Variants in AGBL4 observed in about 807,000 individuals in gnomAD.
The protein encoded by AGBL4 is cytosolic carboxypeptidase 6.
A neutral mutation model predicts 66.4 loss-of-function variants in AGBL4; 58 were observed. The observed-to-expected ratio is 0.87, with a 90% CI of 0.71 to 1.09. The LOEUF (loss-of-function observed/expected upper bound fraction) is 1.09, where lower values mean the gene tolerates loss of function less well. AGBL4 is among the 50% of genes least tolerant of loss of function. AGBL4 has a pLI of 0.00. For synonymous variants in AGBL4, 234 were observed against 222.9 expected, an observed-to-expected ratio of 1.05 and a Z score of -0.44; for missense variants, 579 against 631.0, an observed-to-expected ratio of 0.92 and a Z score of 0.88.
At chr1:49,438,724 T>C (rs539522837) in intron 3 of AGBL4, among the ~76,000 whole-genome samples, 24 of 152,124 alleles carry the variant, frequency 1.6e-4, no homozygotes, top group Non-Finnish European at 2.9e-4. Context: ...ACACTAATTG[T>C]ATAGAAAGAC....
At chr1:49,348,845 C>T (rs1425837107) in intron 3 of AGBL4, among the ~76,000 whole-genome samples, 1 of 152,156 alleles carries the variant, frequency 6.6e-6, no homozygotes, top group Non-Finnish European at 1.5e-5. Flanking sequence ...CCAGGTCTGC[C>T]ACAGGACAAG....
At chr1:49,555,261 AG>A (rs1653335043) in intron 3 of AGBL4, among the ~76,000 whole-genome samples, 1 of 151,408 alleles carries the variant, frequency 6.6e-6, no homozygotes, top group African/African-American at 2.4e-5. Flanking sequence ...ACAATCCTTT[AG>A]CTAGACACAA....
chr1:49,222,799 G>T (rs1443208528), intron 4 of AGBL4, among the ~76,000 whole-genome samples: 2 of 152,114 alleles, frequency 1.3e-5, no homozygotes, highest in African/African-American at 4.8e-5. Flanking sequence ...CCATCCAAAA[G>T]TACCATTTAA....
At chr1:49,857,255 T>C (rs1646459464) in intron 1 of AGBL4, among the ~76,000 whole-genome samples, 2 of 152,184 alleles carry the variant, frequency 1.3e-5, no homozygotes, top group South Asian at 4.2e-4. Flanking sequence ...CCTCCCATGC[T>C]CATGGATTAG....
chr1:48,823,196 C>A (rs578255792), intron 6 of AGBL4, among the ~76,000 whole-genome samples: 1 of 152,314 alleles, frequency 6.6e-6, no homozygotes, highest in Non-Finnish European at 1.5e-5. Flanking sequence ...GTGTGTTTTA[C>A]AGTAGGCACA....
chr1:48,526,779 C>T, the AGBL4 span, among the ~76,000 whole-genome samples: 1 of 151,736 alleles, frequency 6.6e-6, no homozygotes, highest in Non-Finnish European at 1.5e-5. Flanking sequence ...GTTATAACCA[C>T]ACCAGCAACA....
intron 2 of AGBL4, among the ~76,000 whole-genome samples, chr1:49,829,896 C>T (rs951207699): frequency 6.6e-5 from 10 of 152,096 alleles, no homozygotes; most frequent in Non-Finnish European, 1.3e-4. Flanking sequence ...TGTTAGTTTG[C>T]TGAGAATGAT....
At chr1:49,535,823 C>G (rs927164548) in intron 3 of AGBL4, among the ~76,000 whole-genome samples, 12 of 152,128 alleles carry the variant, frequency 7.9e-5, no homozygotes, top group Non-Finnish European at 1.8e-4. Context: ...TCCCAAGTAG[C>G]TGGGACTACA....
At chr1:48,682,343 A>G (rs1409375661) in intron 6 of AGBL4, among the ~76,000 whole-genome samples, 3 of 152,180 alleles carry the variant, frequency 2.0e-5, no homozygotes, top group Non-Finnish European at 4.4e-5. Flanking sequence ...TTTTGGGAAA[A>G]GACTCCCTCA....
At position 49,764,418 on chromosome 1, in the gene AGBL4, A is replaced by G. The variant is rs1045570510; in HGVS notation, c.158-66981T>C. Reference sequence around the variant, plus strand: ...GCCTATGATAGTCCCTTGGGTTCCAATCACATAAACATTCTGCTTGCTCTC... The same window carrying G: ...GCCTATGATAGTCCCTTGGGTTCCAGTCACATAAACATTCTGCTTGCTCTC... On this transcript the variant is annotated intron_variant, in intron 2 of 13. Transcript: ENST00000371839. 2.0e-5 allele frequency among the ~76,000 whole-genome samples: 3 copies of G among 151,998 alleles called. No homozygotes were observed. In the South Asian group the frequency reaches 6.2e-4, roughly 32 times the overall value.
At chr1:49,908,747 A>G (rs548091394) in intron 1 of AGBL4, among the ~76,000 whole-genome samples, 232 of 152,192 alleles carry the variant, frequency 1.5e-3, no homozygotes, top group Admixed American at 2.4e-3. Context: ...GGGTGACAGA[A>G]TGAGACCCTG....
intron 3 of AGBL4, among the ~76,000 whole-genome samples, chr1:49,380,654 T>G (rs1470842989): frequency 2.0e-5 from 3 of 151,852 alleles, no homozygotes; most frequent in Non-Finnish European, 2.9e-5. Flanking sequence ...GAGATATAGA[T>G]CAATGGAACA....
chr1:48,789,925 G>C (rs961541666), intron 6 of AGBL4, among the ~76,000 whole-genome samples: 1 of 152,176 alleles, frequency 6.6e-6, no homozygotes, highest in Non-Finnish European at 1.5e-5. Context: ...CCTAGGTGGA[G>C]GCAGACCTGA....
chr1:49,018,426 C>A (rs531610365), intron 5 of AGBL4, among the ~76,000 whole-genome samples: 1 of 152,306 alleles, frequency 6.6e-6, no homozygotes, highest in African/African-American at 2.4e-5. Context: ...CCCTTGCCAC[C>A]TCTTCTCCTA....
intron 3 of AGBL4, among the ~76,000 whole-genome samples, chr1:49,455,600 C>T (rs552932944): frequency 1.1e-4 from 16 of 151,658 alleles, no homozygotes; most frequent in Admixed American, 8.6e-4. Context: ...TGAAACAGTC[C>T]CCAAATTGAC....
At chr1:49,142,546 G>A (rs1203861666) in intron 4 of AGBL4, among the ~76,000 whole-genome samples, 4 of 152,186 alleles carry the variant, frequency 2.6e-5, no homozygotes, top group Admixed American at 2.0e-4. Context: ...TTAAGTGGGA[G>A]CAAAGAAGCT....
chr1:49,496,299 G>T (rs1468921031), intron 3 of AGBL4, among the ~76,000 whole-genome samples: 2 of 151,812 alleles, frequency 1.3e-5, no homozygotes, highest in Non-Finnish European at 2.9e-5. Context: ...TGCATAATAT[G>T]ATTTTTTGAA....
At chr1:48,768,359 A>C (rs1015630519) in intron 6 of AGBL4, among the ~76,000 whole-genome samples, 7 of 152,184 alleles carry the variant, frequency 4.6e-5, no homozygotes, top group African/African-American at 1.7e-4. Flanking sequence ...ATAATGCCCA[A>C]ATAGGGTCTC....
chr1:49,800,404 G>T, intron 2 of AGBL4, among the ~76,000 whole-genome samples: 1 of 138,852 alleles, frequency 7.2e-6, no homozygotes, highest in South Asian at 2.3e-4. Flanking sequence ...TAGGGTACAT[G>T]TGCACATTGT....
Sources: gnomAD v4.1 joint callset for allele counts (sites outside exome capture counted in the v4.1 genomes callset) on GRCh38, gnomAD v4.1.1 for gene constraint, MANE v1.5 for transcripts, NCBI Gene and HGNC (gene_info 2026-07-23, HGNC 2026-07-21) for gene names.